FGF14: variants seen among roughly 807,000 people sequenced by gnomAD.
The protein encoded by FGF14 is fibroblast growth factor homologous factor 4.
A neutral mutation model predicts 25.5 loss-of-function variants in FGF14; 5 were observed. The ratio of observed to expected loss-of-function variants is 0.20; its 90% CI spans 0.10 to 0.41. The LOEUF (loss-of-function observed/expected upper bound fraction) is 0.41, where lower values mean the gene tolerates loss of function less well. FGF14 is among the 10% of genes least tolerant of loss of function. FGF14 has a pLI of 1.00. For missense variants in FGF14, 222 were observed against 320.1 expected, an observed-to-expected ratio of 0.69 and a Z score of 2.34; for synonymous variants, 138 against 118.3, an observed-to-expected ratio of 1.17 and a Z score of -1.08.
intron 3 of FGF14, among the ~76,000 whole-genome samples, chr13:101,745,836 G>A (rs765227080): frequency 1.1e-4 from 17 of 151,942 alleles, no homozygotes; most frequent in Non-Finnish European, 2.1e-4. Flanking sequence ...ACATATGGAG[G>A]TGAAATGTTG....
intron 1 of FGF14, among the ~76,000 whole-genome samples, chr13:102,174,204 G>A (rs144761302): frequency 0.022 from 3,265 of 150,188 alleles, 98 homozygotes; most frequent in African/African-American, 0.076. Context: ...GCGCGATCTC[G>A]GCTCACTGCA....
Position 102,340,112 on chromosome 13 carries a change from G to C in FGF14, c.208+61359C>G, listed in dbSNP as rs2056904868. Among the ~76,000 whole-genome samples the C allele has an allele frequency of 2.0e-5, 3 of 152,292 alleles. No individual in the cohort carries two copies. The South Asian group carries it at 6.2e-4, about 32-fold the overall frequency. The stretch of plus-strand genomic sequence containing the variant: ...AAAAACACAGTAATTAGTATCTTCA[G>C]ATTCCTACTAGACTAATGGAAACGC... On this transcript the variant is annotated intron_variant, in intron 1 of 4. Transcript: ENST00000376131.
chr13:102,140,511 C>A (rs2046603806), intron 1 of FGF14, among the ~76,000 whole-genome samples: 1 of 152,074 alleles, frequency 6.6e-6, no homozygotes, highest in African/African-American at 2.4e-5. Flanking sequence ...CTGAAAACTA[C>A]CTGTAAAAGG....
chr13:102,171,993 T>C (rs953511837), intron 1 of FGF14, among the ~76,000 whole-genome samples: 4 of 151,328 alleles, frequency 2.6e-5, no homozygotes, highest in Non-Finnish European at 5.9e-5. Flanking sequence ...TTTATTTATT[T>C]ATTTATTTAT....
At chr13:101,974,510 A>T (rs995173530) in intron 1 of FGF14, among the ~76,000 whole-genome samples, 3 of 152,202 alleles carry the variant, frequency 2.0e-5, no homozygotes, top group Non-Finnish European at 4.4e-5. Context: ...CTCAGTGGCA[A>T]TGCAACATAA....
At chr13:101,804,488 C>G (rs1415743191) in intron 3 of FGF14, among the ~76,000 whole-genome samples, 1 of 152,144 alleles carries the variant, frequency 6.6e-6, no homozygotes, top group Non-Finnish European at 1.5e-5. Flanking sequence ...ATCCTGCATG[C>G]TGCACAGATT....
At position 102,382,903 on chromosome 13, in the gene FGF14, A is replaced by C. The variant is rs533688345; in HGVS notation, c.208+18568T>G. Reference sequence around the variant, plus strand: ...TGAAATATCTAGAATAAGCAAATTCATAAGACATAGAAAGCATATCAGTGG... The same window carrying C: ...TGAAATATCTAGAATAAGCAAATTCCTAAGACATAGAAAGCATATCAGTGG... On this transcript the variant is annotated intron_variant, in intron 1 of 4. Transcript: ENST00000376131. Among the ~76,000 whole-genome samples the C allele has an allele frequency of 2.0e-5, 3 of 152,270 alleles. No individual in the cohort carries two copies. The South Asian group carries it at 6.2e-4, about 32-fold the overall frequency.
intron 1 of FGF14, among the ~76,000 whole-genome samples, chr13:102,004,880 G>A (rs1379450230): frequency 6.6e-6 from 1 of 152,194 alleles, no homozygotes; most frequent in African/African-American, 2.4e-5. Context: ...ATGTGAAGAA[G>A]GATGTGTTTG....
intron 1 of FGF14, among the ~76,000 whole-genome samples, chr13:102,344,294 T>G (rs1441164710): frequency 6.6e-6 from 1 of 152,190 alleles, no homozygotes; most frequent in African/African-American, 2.4e-5. Flanking sequence ...TCCAACTTCT[T>G]AAGGAATCTG....
intron 1 of FGF14, among the ~76,000 whole-genome samples, chr13:102,153,816 G>T (rs552747947): frequency 9.2e-5 from 14 of 152,186 alleles, no homozygotes; most frequent in African/African-American, 3.4e-4. Context: ...GAGAGAGAAG[G>T]ACGAATCACA....
intron 3 of FGF14, among the ~76,000 whole-genome samples, chr13:101,807,168 C>T (rs1204810557): frequency 6.6e-6 from 1 of 152,126 alleles, no homozygotes; most frequent in Admixed American, 6.6e-5. Context: ...TCTTAGTGGA[C>T]TAGCCACCAA....
intron 1 of FGF14, among the ~76,000 whole-genome samples, chr13:102,246,148 T>G (rs1346229912): frequency 6.6e-6 from 1 of 152,094 alleles, no homozygotes; most frequent in Non-Finnish European, 1.5e-5. Flanking sequence ...GCGAGATACA[T>G]TCACAGAATT....
At chr13:102,030,802 T>C (rs530731810) in intron 1 of FGF14, among the ~76,000 whole-genome samples, 34 of 152,172 alleles carry the variant, frequency 2.2e-4, no homozygotes, top group African/African-American at 8.2e-4. Context: ...AGTAATTGTC[T>C]TACTTTTGTT....
Position 101,916,768 on chromosome 13 carries a change from C to A in FGF14, c.-123G>T. ...TCGGGGCAGAGGAGGGGGTGCCAGG[C>A]GGGACTGGGGAGAGGGGAAGGGGGG... is the stretch of plus-strand genomic sequence containing the variant. On this transcript the variant is annotated 5_prime_UTR_variant, in exon 1 of 5. Transcript: ENST00000376143. 3 of 816,356 alleles carry A rather than the reference C, an allele frequency of 3.7e-6. No homozygotes were observed. The highest frequency in any genetic ancestry group is 5.5e-6 in the Non-Finnish European group (3 of 541,196). The allele number at this position is 816,356 out of a possible 1,614,324, so 50.6% of individuals were successfully genotyped here. A position where few individuals can be genotyped will look rare whatever the true frequency, so the allele number is the denominator to read the frequency against.
intron 3 of FGF14, among the ~76,000 whole-genome samples, chr13:101,843,006 CAT>C (rs2043266831): frequency 6.6e-6 from 1 of 152,042 alleles, no homozygotes; most frequent in Non-Finnish European, 1.5e-5. Context: ...TATACGGAAA[CAT>C]ACACACGATT....
chr13:102,337,997 T>A (rs2056837499), intron 1 of FGF14, among the ~76,000 whole-genome samples: 1 of 152,190 alleles, frequency 6.6e-6, no homozygotes, highest in African/African-American at 2.4e-5. Flanking sequence ...ATTTCTACAT[T>A]TAATTTACTG....
chr13:102,331,695 T>A (rs537284738), intron 1 of FGF14, among the ~76,000 whole-genome samples: 1 of 152,176 alleles, frequency 6.6e-6, no homozygotes, highest in Non-Finnish European at 1.5e-5. Flanking sequence ...ACAAGCTACA[T>A]GAAACGCACA....
At chr13:102,053,284 A>T (rs555403809) in intron 1 of FGF14, among the ~76,000 whole-genome samples, 1 of 152,134 alleles carries the variant, frequency 6.6e-6, no homozygotes. Context: ...GAAACAGAAC[A>T]TGATCCAACA....
At chr13:101,730,477 A>T (rs2035734905) in intron 3 of FGF14, among the ~76,000 whole-genome samples, 1 of 152,194 alleles carries the variant, frequency 6.6e-6, no homozygotes, top group African/African-American at 2.4e-5. Flanking sequence ...CAAGAAAGAA[A>T]ATATTTTCCT....
Sources: allele counts gnomAD v4.1 joint callset (sites outside exome capture counted in the v4.1 genomes callset), GRCh38; gene constraint gnomAD v4.1.1; transcripts MANE v1.5; gene names NCBI Gene and HGNC (gene_info 2026-07-23, HGNC 2026-07-21).